Variants in EPAS1 observed in about 807,000 individuals in gnomAD.
EPAS1 encodes endothelial PAS domain protein 1, also known as endothelial PAS domain-containing protein 1.
In EPAS1, 23 loss-of-function variants were observed where a neutral mutation model predicts 87.9. The ratio of observed to expected loss-of-function variants is 0.26; its 90% CI spans 0.19 to 0.37. The LOEUF is 0.37. EPAS1 is among the 10% of genes least tolerant of loss of function. The pLI, the probability that EPAS1 is intolerant of heterozygous loss-of-function variation, is 1.00. For synonymous variants in EPAS1, 508 were observed against 444.3 expected (o/e 1.14, Z -1.80); for missense variants, 1,138 against 1,120.7 (o/e 1.02, Z -0.22).
At chr2:46,335,116 G>T (rs1199027114) in intron 1 of EPAS1, among the ~76,000 whole-genome samples, 3 of 152,096 alleles carry the variant, frequency 2.0e-5, no homozygotes, top group Admixed American at 6.5e-5. Flanking sequence ...GGGTAGGAGA[G>T]TGAGGGATCC....
chr2:46,338,966 C>G lies in EPAS1; in HGVS notation c.27-7907C>G, dbSNP rs1217817848. 5.3e-5 allele frequency among the ~76,000 whole-genome samples: 8 copies of G among 152,170 alleles called. No homozygotes were observed. In the East Asian group the frequency reaches 1.5e-3, roughly 29 times the overall value. ...CTGTGAGGTGGCTACGGGGAGCTGG[C>G]AGCAAGCTGGATACATATCTTTTAT... is the stretch of plus-strand genomic sequence containing the variant. On this transcript the variant is annotated intron_variant, in intron 1 of 15. Coordinates refer to ENST00000263734, the MANE Select transcript of EPAS1 (RefSeq NM_001430.5).
rs1684976661 is a variant in EPAS1 at position 46,384,780 on chromosome 2, C to A, written c.*120C>A. The A allele has an allele frequency of 2.2e-6, 3 of 1,367,642 alleles. No homozygotes were observed. The highest frequency in any genetic ancestry group is 1.3e-5 in the South Asian group (1 of 79,630). The allele number at this position is 1,367,642 out of a possible 1,614,324, so 84.7% of individuals were successfully genotyped here. A position where few individuals can be genotyped will look rare whatever the true frequency, so the allele number is the denominator to read the frequency against. The stretch of plus-strand genomic sequence containing the variant: ...GCACACTATTTACAAGATGGACTTA[C>A]CTGGCAGACTTGCCCAGGTCACCAA... On this transcript the variant is annotated 3_prime_UTR_variant, in exon 16 of 16. Transcript: ENST00000263734.
chr2:46,347,606 T>C lies in EPAS1; in HGVS notation c.217+543T>C, dbSNP rs75915332. The C allele has an allele frequency of 0.023, 4,325 of 185,458 alleles. 210 individuals are homozygous for C. The highest frequency in any genetic ancestry group is 0.096 in the African/African-American group (4,074 of 42,608). The allele number at this position is 185,458 out of a possible 1,614,324, so 11.5% of individuals were successfully genotyped here. On this transcript the variant is annotated intron_variant, in intron 2 of 15. Coordinates refer to ENST00000263734, the MANE Select transcript of EPAS1 (RefSeq NM_001430.5). The surrounding 1 kb of genome is among the most constrained non-coding windows in gnomAD (Gnocchi z 4.2). Reference sequence around the variant, plus strand: ...GCCCAGGGTGTCGGTGAGAATGGACTGAAATGATGTCCATAAAGCACCTGG... The same window carrying C: ...GCCCAGGGTGTCGGTGAGAATGGACCGAAATGATGTCCATAAAGCACCTGG...
Position 46,332,332 on chromosome 2 carries a change from G to GTGTGTGTGTGTGTA in EPAS1, c.27-14540_27-14539insGTGTGTGTGTGTAT, listed in dbSNP as rs146630883. On this transcript the variant is annotated intron_variant, in intron 1 of 15. Coordinates refer to ENST00000263734, the MANE Select transcript of EPAS1 (RefSeq NM_001430.5). ...TGTGTGTGTGTGTGTGTGTGTGTGTGTATCAACTTGTTTTCTCTTTGGCTG... is the reference window on the plus strand; with the variant it reads ...TGTGTGTGTGTGTGTGTGTGTGTGTGTGTGTGTGTGTGTATATCAACTTGTTTTCTCTTTGGCTG... 4.9e-5 allele frequency among the ~76,000 whole-genome samples: 7 copies of GTGTGTGTGTGTGTA among 142,192 alleles called. No individual in the cohort carries two copies. The East Asian group carries it at 6.2e-4, about 13-fold the overall frequency. The allele number at this position is 142,192 out of a possible 152,430, so 93.3% of individuals were successfully genotyped here. A position where few individuals can be genotyped will look rare whatever the true frequency, so the allele number is the denominator to read the frequency against.
At chr2:46,379,830 A>C (rs1472846396) in intron 11 of EPAS1, 1 of 279,020 alleles carries the variant, frequency 3.6e-6, no homozygotes, top group Non-Finnish European at 7.0e-6. Context: ...GGACAAAAAA[A>C]AGCCACAGTG....
chr2:46,384,440 C>T (rs1394039830), intron 15 of EPAS1, 69 bp from the exon 16 acceptor site: 19 of 1,607,760 alleles, frequency 1.2e-5, no homozygotes, highest in Non-Finnish European at 1.5e-5. Context: ...CCCCCAGTCA[C>T]AAAGAAGTAG....
chr2:46,360,688 T>C lies in EPAS1; in HGVS notation c.505T>C (p.Phe169Leu). ...SKDMSTERDF[F>L]MRMKCTVTNR... is the part of the protein sequence containing the mutation. Reference sequence around the variant, plus strand: ...AGACATGTCCACAGAGCGGGACTTCTTCATGAGGATGAAGTGCACGGTCAC... The same window carrying C: ...AGACATGTCCACAGAGCGGGACTTCCTCATGAGGATGAAGTGCACGGTCAC... The change falls in exon 5 of 16, where the codon TTC (phenylalanine) becomes CTC (leucine). Residue 169 changes from phenylalanine to leucine, a missense_variant. By Grantham distance (22) the Phe-to-Leu change is conservative. Around this residue, in one of 4 missense-constraint regions of EPAS1, gnomAD observed 351 missense variants for 417.1 expected, o/e 0.84. Coordinates refer to ENST00000263734, the MANE Select transcript of EPAS1 (RefSeq NM_001430.5). This position sits in a 1 kb window ranked among gnomAD's most constrained non-coding sequence, Gnocchi z 4.5. 6.2e-7 allele frequency: 1 copy of C among 1,614,046 alleles called. No homozygotes were observed. The highest frequency in any genetic ancestry group is 8.5e-7 in the Non-Finnish European group (1 of 1,180,028).
intron 1 of EPAS1, among the ~76,000 whole-genome samples, chr2:46,301,162 C>CT (rs1287866846): frequency 1.3e-5 from 2 of 152,036 alleles, no homozygotes; most frequent in African/African-American, 4.8e-5. Flanking sequence ...TATAGGGAGC[C>CT]TAGAATTATT....
intron 1 of EPAS1, among the ~76,000 whole-genome samples, chr2:46,298,258 T>C (rs986154772): frequency 6.6e-6 from 1 of 152,204 alleles, no homozygotes; most frequent in African/African-American, 2.4e-5. Flanking sequence ...CGCAGCAGAT[T>C]ACCGTGGCCA....
At chr2:46,303,739 T>C (rs1683055956) in intron 1 of EPAS1, among the ~76,000 whole-genome samples, 1 of 152,194 alleles carries the variant, frequency 6.6e-6, no homozygotes, top group East Asian at 1.9e-4. Context: ...TTTCAAAGGT[T>C]CTAGGATATG....
chr2:46,305,120 T>G (rs1300830862), intron 1 of EPAS1, among the ~76,000 whole-genome samples: 2 of 152,220 alleles, frequency 1.3e-5, no homozygotes, highest in Admixed American at 6.5e-5. Flanking sequence ...ATGCCCCTAA[T>G]AGCATCTGTA....
rs553991268 is a variant in EPAS1, at chr2:46,376,507, G to A, written c.1035-32G>A. On this transcript the variant is annotated intron_variant, in intron 8 of 15. Coordinates refer to ENST00000263734, the MANE Select transcript of EPAS1 (RefSeq NM_001430.5). Reference sequence around the variant, plus strand: ...GAGCAGAATTTTTCTAGAAAATGTGGAAAGTCTGAATGGCTCTTTCCCCCC... The same window carrying A: ...GAGCAGAATTTTTCTAGAAAATGTGAAAAGTCTGAATGGCTCTTTCCCCCC... 1.1e-5 allele frequency: 18 copies of A among 1,610,924 alleles called. No individual in the cohort carries two copies. In the South Asian group the frequency reaches 1.8e-4, roughly 16 times the overall value.
At chr2:46,315,292 G>A (rs1683290416) in intron 1 of EPAS1, among the ~76,000 whole-genome samples, 1 of 152,182 alleles carries the variant, frequency 6.6e-6, no homozygotes, top group Non-Finnish European at 1.5e-5. Context: ...GCCGTGAGAG[G>A]AGCAGGTTTG....
At chr2:46,378,108 G>A (rs1254325303) in intron 10 of EPAS1, 21 bp downstream of exon 10, 2 of 1,578,698 alleles carry the variant, frequency 1.3e-6, no homozygotes, top group East Asian at 2.3e-5. Flanking sequence ...CTCTTATGGC[G>A]AGGACACAGA....
intron 1 of EPAS1, among the ~76,000 whole-genome samples, chr2:46,338,411 G>T (rs1683841796): frequency 6.6e-6 from 1 of 152,214 alleles, no homozygotes; most frequent in Admixed American, 6.5e-5. Context: ...TGGTGTCAGG[G>T]GTCGGGCAGT....
intron 2 of EPAS1, among the ~76,000 whole-genome samples, chr2:46,354,839 A>T (rs1486808837): frequency 6.6e-6 from 1 of 152,090 alleles, no homozygotes; most frequent in Non-Finnish European, 1.5e-5. Context: ...GAGACTGGGA[A>T]ATGGATTCTC....
At chr2:46,331,891 T>A (rs941105642) in intron 1 of EPAS1, among the ~76,000 whole-genome samples, 12 of 152,188 alleles carry the variant, frequency 7.9e-5, no homozygotes, top group African/African-American at 2.9e-4. Flanking sequence ...GGCTGTTTTT[T>A]TTTCCCCGGG....
intron 1 of EPAS1, among the ~76,000 whole-genome samples, chr2:46,344,883 C>G (rs752087386): frequency 3.9e-5 from 6 of 152,204 alleles, no homozygotes; most frequent in Non-Finnish European, 8.8e-5. Flanking sequence ...ATCCACGGAG[C>G]TGGATAGTCT....
In EPAS1 at chr2:46,300,949, C is replaced by T. The variant is rs948511316; in HGVS notation, c.26+3012C>T. On this transcript the variant is annotated intron_variant, in intron 1 of 15. Transcript: ENST00000263734. The surrounding 1 kb of genome is among the most constrained non-coding windows in gnomAD (Gnocchi z 4.1). ...CCAACTCTGAAGGGAAAAAATATTG[C>T]TGGACAGTTTCTCTCAATTTAAACA... Among the ~76,000 whole-genome samples the T allele has an allele frequency of 6.6e-6, 1 of 152,182 alleles. No individual in the cohort carries two copies. Among genetic ancestry groups the T allele is most frequent in the African/African-American group, 2.4e-5 (1 of 41,440 alleles).
Sources: gnomAD v4.1 joint callset for allele counts (sites outside exome capture counted in the v4.1 genomes callset) on GRCh38, gnomAD v4.1.1 for gene constraint, gnomAD v4.1.1 regional missense constraint, Gnocchi (gnomAD v3.1) non-coding constraint, MANE v1.5 for transcripts, NCBI Gene and HGNC (gene_info 2026-07-23, HGNC 2026-07-21) for gene names.